PCDHGA10: variants seen among roughly 807,000 people sequenced by gnomAD.
The protein encoded by PCDHGA10 is protocadherin gamma-A10.
In PCDHGA10, 42 loss-of-function variants were observed where a neutral mutation model predicts 59.5. The ratio of observed to expected loss-of-function variants is 0.71; its 90% CI spans 0.55 to 0.91. The LOEUF is 0.91. PCDHGA10 is among the 40% of genes least tolerant of loss of function. PCDHGA10 has a pLI of 0.00. For synonymous variants in PCDHGA10, 511 were observed against 517.2 expected, an observed-to-expected ratio of 0.99 and a Z score of 0.16; for missense variants, 1,111 against 1,198.2, an observed-to-expected ratio of 0.93 and a Z score of 1.07.
chr5:141,489,191 T>C lies in PCDHGA10; in HGVS notation c.2437-5616T>C. On this transcript the variant is annotated intron_variant, in intron 1 of 3. Coordinates refer to ENST00000398610, the MANE Select transcript of PCDHGA10 (RefSeq NM_018913.3). The surrounding 1 kb of genome is among the most constrained non-coding windows in gnomAD (Gnocchi z 4.5). ...CTGCATTCCAAGCCCTGGGTCTACC[T>C]TGGAGACAGGACAGCACAGACTTAC... The C allele has an allele frequency of 7.3e-7, 1 of 1,364,400 alleles. No homozygotes were observed. Among genetic ancestry groups the C allele is most frequent in the Middle Eastern group, 1.9e-4 (1 of 5,334 alleles). The allele number at this position is 1,364,400 out of a possible 1,614,324, so 84.5% of individuals were successfully genotyped here. A position where few individuals can be genotyped will look rare whatever the true frequency, so the allele number is the denominator to read the frequency against.
chr5:141,444,329 G>T (rs536314842), intron 1 of PCDHGA10, among the ~76,000 whole-genome samples: 1 of 151,792 alleles, frequency 6.6e-6, no homozygotes, highest in Admixed American at 6.6e-5. Context: ...GTGCCACCAC[G>T]CCCAGCTAAT....
Position 141,485,281 on chromosome 5 carries a change from A to G in PCDHGA10, c.2437-9526A>G. 4 of 1,614,156 alleles carry G rather than the reference A, an allele frequency of 2.5e-6. No individual in the cohort carries two copies. In the South Asian group the frequency reaches 3.3e-5, roughly 13 times the overall value. Reference sequence around the variant, plus strand: ...GTGGGCAGATCCGCTACCCGGTCCCAGAGGAGTCACAGGAAGGGACTTTTG... The same window carrying G: ...GTGGGCAGATCCGCTACCCGGTCCCGGAGGAGTCACAGGAAGGGACTTTTG... On this transcript the variant is annotated intron_variant, in intron 1 of 3. Coordinates refer to ENST00000398610, the MANE Select transcript of PCDHGA10 (RefSeq NM_018913.3). The surrounding 1 kb of genome is among the most constrained non-coding windows in gnomAD (Gnocchi z 5.7).
chr5:141,495,034 A>C (rs986393420), intron 2 of PCDHGA10, 169 bp downstream of exon 2: 1 of 962,702 alleles, frequency 1.0e-6, no homozygotes, highest in Non-Finnish European at 1.2e-6. Context: ...CCCCGGAAGG[A>C]AGAGGCGACT....
chr5:141,432,946 A>G lies in PCDHGA10; in HGVS notation c.2436+17335A>G. 2 of 1,614,130 alleles carry G rather than the reference A, an allele frequency of 1.2e-6. No individual in the cohort carries two copies. The highest frequency in any genetic ancestry group is 1.1e-5 in the South Asian group (1 of 91,080). ...AGTCACGCCTGCTGCAGGCTTCAGG[A>G]GGCGGCTTGACAGGAGCGCCGGCGT... is the stretch of plus-strand genomic sequence containing the variant. On this transcript the variant is annotated intron_variant, in intron 1 of 3. Coordinates refer to ENST00000398610, the MANE Select transcript of PCDHGA10 (RefSeq NM_018913.3). This position sits in a 1 kb window ranked among gnomAD's most constrained non-coding sequence, Gnocchi z 6.0.
In PCDHGA10 at chr5:141,486,403, T is replaced by C; in HGVS notation, c.2437-8404T>C. ...GGAACCAGTTCTCCCTGGTGACTGC[T>C]GGACCCTTGGATCGAGAGGCCAAAT... On this transcript the variant is annotated intron_variant, in intron 1 of 3. Coordinates refer to ENST00000398610, the MANE Select transcript of PCDHGA10 (RefSeq NM_018913.3). This position sits in a 1 kb window ranked among gnomAD's most constrained non-coding sequence, Gnocchi z 5.0. The C allele has an allele frequency of 6.2e-7, 1 of 1,614,212 alleles. No individual in the cohort carries two copies. Among genetic ancestry groups the C allele is most frequent in the Non-Finnish European group, 8.5e-7 (1 of 1,180,034 alleles).
chr5:141,464,911 T>G (rs2099093002), intron 1 of PCDHGA10, among the ~76,000 whole-genome samples: 1 of 151,718 alleles, frequency 6.6e-6, no homozygotes, highest in Non-Finnish European at 1.5e-5. Context: ...GCTAATTTTT[T>G]TATTTTTTTG....
At chr5:141,480,414 C>CA (rs10712552) in intron 1 of PCDHGA10, among the ~76,000 whole-genome samples, 44 of 147,474 alleles carry the variant, frequency 3.0e-4, no homozygotes, top group Non-Finnish European at 4.4e-4. Context: ...GACCCTGTCT[C>CA]AAAAAAAAAA....
At chr5:141,507,537 C>CA (rs140454890) in intron 3 of PCDHGA10, among the ~76,000 whole-genome samples, 3,617 of 152,286 alleles carry the variant, frequency 0.024, 53 homozygotes, top group East Asian at 0.043. Context: ...AGGCCAGAGA[C>CA]TGAGTATGAA....
rs191188858 is a variant in PCDHGA10, at chr5:141,472,077, A to G, written c.2437-22730A>G. On this transcript the variant is annotated intron_variant, in intron 1 of 3. Transcript: ENST00000398610. ...GATTGACATGTCTGTGGTTATATCA[A>G]TGAGTACTATTATTATTCCCATTTT... 2.4e-3 allele frequency among the ~76,000 whole-genome samples: 365 copies of G among 152,346 alleles called. 2 individuals carry two copies. Among genetic ancestry groups the G allele is most frequent in the African/African-American group, 8.4e-3 (351 of 41,580 alleles).
Position 141,486,271 on chromosome 5 carries a change from C to G in PCDHGA10, c.2437-8536C>G, listed in dbSNP as rs143039217. ...CCCTCCCCGAGAGTGCAGAACCTGG[C>G]ACTGTGGTGGCACTTATCAGTGTGC... On this transcript the variant is annotated intron_variant, in intron 1 of 3. Coordinates refer to ENST00000398610, the MANE Select transcript of PCDHGA10 (RefSeq NM_018913.3). The surrounding 1 kb of genome is among the most constrained non-coding windows in gnomAD (Gnocchi z 5.0). 6.2e-7 allele frequency: 1 copy of G among 1,613,968 alleles called. No homozygotes were observed. Among genetic ancestry groups the G allele is most frequent in the African/African-American group, 1.3e-5 (1 of 74,902 alleles).
At chr5:141,466,450 G>T (rs139024933) in intron 1 of PCDHGA10, among the ~76,000 whole-genome samples, 1 of 152,172 alleles carries the variant, frequency 6.6e-6, no homozygotes, top group Non-Finnish European at 1.5e-5. Context: ...TGTCTATGGT[G>T]TTGGCTATTG....
Position 141,491,095 on chromosome 5 carries a change from T to C in PCDHGA10, c.2437-3712T>C, listed in dbSNP as rs1366401829. On this transcript the variant is annotated intron_variant, in intron 1 of 3. Coordinates refer to ENST00000398610, the MANE Select transcript of PCDHGA10 (RefSeq NM_018913.3). The surrounding 1 kb of genome is among the most constrained non-coding windows in gnomAD (Gnocchi z 6.9). ...GCCACAGTCCACAGCCCCAGGACTG[T>C]TCCTCGTGTCTACACACACTGGTGA... The C allele has an allele frequency of 3.7e-6, 6 of 1,614,154 alleles. No homozygotes were observed. The highest frequency in any genetic ancestry group is 4.2e-6 in the Non-Finnish European group (5 of 1,180,014).
Position 141,419,271 on chromosome 5 carries a change from T to C in PCDHGA10, c.2436+3660T>C, listed in dbSNP as rs2096352878. 4 of 1,613,902 alleles carry C rather than the reference T, an allele frequency of 2.5e-6. No homozygotes were observed. In the South Asian group the frequency reaches 3.3e-5, roughly 13 times the overall value. ...GAAAACAACCAGCCGGGTGCCTCCA[T>C]AGCGCAAGTCAGTGCCTCTGACCCA... On this transcript the variant is annotated intron_variant, in intron 1 of 3. Transcript: ENST00000398610.
At chr5:141,423,838 T>G in intron 1 of PCDHGA10, 1 of 1,279,552 alleles carries the variant, frequency 7.8e-7, no homozygotes, top group South Asian at 3.5e-5. Context: ...GAGATTACGA[T>G]AATCTTTCAG....
chr5:141,418,105 G>A lies in PCDHGA10; in HGVS notation c.2436+2494G>A, dbSNP rs971913143. On this transcript the variant is annotated intron_variant, in intron 1 of 3. Transcript: ENST00000398610. ...ACTTCAGCGTAGACGCGCAGAGCGG[G>A]GACTTACTTGTGAAGGACCGAATAG... 5 of 1,614,062 alleles carry A rather than the reference G, an allele frequency of 3.1e-6. No homozygotes were observed. The East Asian group carries it at 8.9e-5, about 29-fold the overall frequency.
chr5:141,510,852 G>A (rs2099883073), intron 3 of PCDHGA10, 95 bp from the exon 4 acceptor site: 2 of 1,601,096 alleles, frequency 1.2e-6, no homozygotes, highest in Non-Finnish European at 1.7e-6. Flanking sequence ...GGCCCAGGGT[G>A]CTGTATAGGC....
intron 1 of PCDHGA10, chr5:141,433,126 G>A (rs1390613447): frequency 1.9e-6 from 3 of 1,614,120 alleles, no homozygotes; most frequent in Middle Eastern, 1.7e-4. Flanking sequence ...AAAAAAGCGA[G>A]CCCCTTTTGC....
chr5:141,507,735 C>T (rs942364858), intron 3 of PCDHGA10, among the ~76,000 whole-genome samples: 3 of 152,268 alleles, frequency 2.0e-5, no homozygotes, highest in Non-Finnish European at 2.9e-5. Flanking sequence ...TCATGCAGCT[C>T]GTTCCCCTGT....
At chr5:141,478,683 C>G (rs1355955377) in intron 1 of PCDHGA10, 14 of 1,551,164 alleles carry the variant, frequency 9.0e-6, no homozygotes, top group African/African-American at 1.4e-5. Flanking sequence ...CTGGCCCTTC[C>G]TAGATCAAAG....
Sources: gnomAD v4.1 joint callset for allele counts (sites outside exome capture counted in the v4.1 genomes callset) on GRCh38, gnomAD v4.1.1 for gene constraint, Gnocchi (gnomAD v3.1) non-coding constraint, MANE v1.5 for transcripts, NCBI Gene and HGNC (gene_info 2026-07-23, HGNC 2026-07-21) for gene names.